Variants in STAB2 observed in about 807,000 individuals in gnomAD.
The protein encoded by STAB2 is stabilin-2.
In STAB2, 288 loss-of-function variants were observed where a neutral mutation model predicts 338.1. The observed-to-expected ratio is 0.85, with a 90% CI of 0.77 to 0.94. STAB2 has a LOEUF of 0.94. Among genes scored for constraint, STAB2 ranks in the 40% least tolerant of loss-of-function variants. The pLI is 0.00. For synonymous variants in STAB2, 1,202 were observed against 1,193.3 expected (o/e 1.01, Z -0.15); for missense variants, 3,141 against 3,210.1 (o/e 0.98, Z 0.52).
At chr12:103,712,998 T>A (rs1880005499) in intron 41 of STAB2, among the ~76,000 whole-genome samples, 1 of 152,222 alleles carries the variant, frequency 6.6e-6, no homozygotes, top group Non-Finnish European at 1.5e-5. Flanking sequence ...GGCAGAATAA[T>A]GCAGCTGTTG....
Position 103,638,127 on chromosome 12 carries a change from T to C in STAB2, c.821T>C (p.Val274Ala), listed in dbSNP as rs1957580045. 6.2e-7 allele frequency: 1 copy of C among 1,614,198 alleles called. No homozygotes were observed. Among genetic ancestry groups the C allele is most frequent in the South Asian group, 1.1e-5 (1 of 91,084 alleles). Residue 274 changes from valine (V) to alanine (A), a missense_variant, in exon 8 of 69, where the codon GTG (valine) becomes GCG (alanine). By Grantham distance (64) the Val-to-Ala change is moderately conservative. Transcript: ENST00000388887. Reference protein sequence around the residue: ...CQEGYRGDGQVCLPVDPCQIN... With the variant: ...CQEGYRGDGQACLPVDPCQIN... Reference sequence around the variant, plus strand: ...GAAGGCTACCGTGGGGATGGCCAAGTGTGCTTGCCTGTGGACCCCTGCCAA... The same window carrying C: ...GAAGGCTACCGTGGGGATGGCCAAGCGTGCTTGCCTGTGGACCCCTGCCAA...
At chr12:103,670,663 C>T in intron 21 of STAB2, 33 bp from the exon 22 acceptor site, 1 of 1,549,682 alleles carries the variant, frequency 6.5e-7, no homozygotes, top group Non-Finnish European at 8.9e-7. Context: ...ACTATGTGTC[C>T]TAATGGCCCA....
intron 33 of STAB2, among the ~76,000 whole-genome samples, chr12:103,696,536 G>A (rs957462784): frequency 2.0e-5 from 3 of 152,192 alleles, no homozygotes; most frequent in Admixed American, 2.0e-4. Context: ...ACTTAGTCCT[G>A]TAAGAAACAG....
chr12:103,587,951 A>T (rs17034140), intron 1 of STAB2, among the ~76,000 whole-genome samples: 1 of 152,126 alleles, frequency 6.6e-6, no homozygotes, highest in South Asian at 2.1e-4. Flanking sequence ...TGGATATCTC[A>T]CTAAGGAACA....
intron 23 of STAB2, among the ~76,000 whole-genome samples, chr12:103,675,451 C>T (rs949443877): frequency 6.6e-6 from 1 of 152,166 alleles, no homozygotes; most frequent in Non-Finnish European, 1.5e-5. Context: ...AGAGCTGTTG[C>T]ATAGAAGACA....
intron 42 of STAB2, 101 bp from the exon 43 acceptor site, chr12:103,715,714 C>A: frequency 7.5e-7 from 1 of 1,333,408 alleles, no homozygotes; most frequent in East Asian, 2.3e-5. Flanking sequence ...TTGACACCCG[C>A]TCCCTTCAGT....
At chr12:103,628,170 G>A (rs1320720592) in intron 5 of STAB2, among the ~76,000 whole-genome samples, 1 of 152,224 alleles carries the variant, frequency 6.6e-6, no homozygotes, top group African/African-American at 2.4e-5. Flanking sequence ...GTTTTGAAGA[G>A]AGGATGACAC....
chr12:103,758,539 G>A (rs1454740954), intron 64 of STAB2, among the ~76,000 whole-genome samples: 2 of 152,186 alleles, frequency 1.3e-5, no homozygotes, highest in South Asian at 2.1e-4. Flanking sequence ...TAGCCCAGGC[G>A]AGTTCTCAGG....
chr12:103,710,001 T>A (rs757630774), intron 39 of STAB2, among the ~76,000 whole-genome samples: 21 of 152,218 alleles, frequency 1.4e-4, no homozygotes, highest in Admixed American at 5.2e-4. Context: ...CCTAACATAT[T>A]CCATGTCTCC....
At chr12:103,731,359 C>T (rs1881621981) in intron 49 of STAB2, among the ~76,000 whole-genome samples, 2 of 152,138 alleles carry the variant, frequency 1.3e-5, no homozygotes, top group South Asian at 4.1e-4. Context: ...CATTGGGGTT[C>T]TAGCTGCAAG....
intron 63 of STAB2, among the ~76,000 whole-genome samples, chr12:103,756,993 G>GAAAA (rs146893760): frequency 5.2e-4 from 8 of 15,262 alleles, no homozygotes; most frequent in African/African-American, 3.2e-3. Context: ...CAGAAGGAGG[G>GAAAA]AAAATATATA....
At chr12:103,689,451 C>A (rs2138901260) in intron 28 of STAB2, among the ~76,000 whole-genome samples, 1 of 151,204 alleles carries the variant, frequency 6.6e-6, no homozygotes, top group East Asian at 1.9e-4. Context: ...CCACTGCACT[C>A]CAGCTTGGGT....
chr12:103,688,081 A>C, intron 27 of STAB2, 87 bp from the exon 28 acceptor site: 8 of 1,333,754 alleles, frequency 6.0e-6, no homozygotes, highest in Non-Finnish European at 8.6e-6. Flanking sequence ...CAGGTGACCC[A>C]GAGATGCACT....
intron 3 of STAB2, among the ~76,000 whole-genome samples, chr12:103,604,481 A>G (rs10861050): frequency 0.32 from 48,717 of 151,730 alleles, 9,944 homozygotes; most frequent in African/African-American, 0.58. Context: ...CAACAAAGCC[A>G]TTTGGCATGG....
chr12:103,742,260 G>C, intron 55 of STAB2, 145 bp from the exon 56 acceptor site: 2 of 1,025,536 alleles, frequency 2.0e-6, no homozygotes, highest in Non-Finnish European at 2.9e-6. Flanking sequence ...CCATAGGCCA[G>C]TGACGTGCCT....
intron 65 of STAB2, 51 bp from the exon 66 acceptor site, chr12:103,761,249 G>A (rs758230231): frequency 4.5e-6 from 7 of 1,558,906 alleles, no homozygotes; most frequent in Middle Eastern, 1.7e-4. Context: ...CTCCATGGAG[G>A]GCTGCCCACT....
chr12:103,638,701 A>G (rs781393002), intron 8 of STAB2, among the ~76,000 whole-genome samples: 12 of 152,204 alleles, frequency 7.9e-5, no homozygotes, highest in Non-Finnish European at 1.6e-4. Flanking sequence ...CTGTCCCTCT[A>G]AATGACATCA....
At chr12:103,754,960 A>AT (rs1883982958) in intron 61 of STAB2, 1 of 225,406 alleles carries the variant, frequency 4.4e-6, no homozygotes, top group Non-Finnish European at 8.8e-6. Flanking sequence ...AAAAAAAAAA[A>AT]ATTTGAGTTC....
At chr12:103,622,018 T>C in intron 4 of STAB2, 24 bp from the exon 5 acceptor site, 1 of 1,613,938 alleles carries the variant, frequency 6.2e-7, no homozygotes, top group Non-Finnish European at 8.5e-7. Context: ...GGGTCTAATG[T>C]CAACCACCTG....
Sources: gnomAD v4.1 joint callset for allele counts (sites outside exome capture counted in the v4.1 genomes callset) on GRCh38, gnomAD v4.1.1 for gene constraint, MANE v1.5 for transcripts, NCBI Gene and HGNC (gene_info 2026-07-23, HGNC 2026-07-21) for gene names.